PID1: variants seen among roughly 807,000 people sequenced by gnomAD.
PID1 encodes the protein phosphotyrosine interaction domain containing 1.
In PID1, 10 loss-of-function variants were observed where a neutral mutation model predicts 19.1. The observed-to-expected ratio is 0.52, with a 90% CI of 0.32 to 0.89. The LOEUF (loss-of-function observed/expected upper bound fraction) is 0.89, where lower values mean the gene tolerates loss of function less well. Ranked by LOEUF, PID1 falls within the 40% of genes least tolerant of loss-of-function variation. The pLI is 0.03. For missense variants in PID1, 248 were observed against 285.3 expected (o/e 0.87, Z 0.94); for synonymous variants, 130 against 116.0 (o/e 1.12, Z -0.78).
intron 1 of PID1, among the ~76,000 whole-genome samples, chr2:229,192,539 T>A (rs1282335998): frequency 6.6e-6 from 1 of 152,120 alleles, no homozygotes; most frequent in East Asian, 1.9e-4. Flanking sequence ...AAATCCTAAT[T>A]CACAAGCAAT....
At chr2:229,158,229 C>T (rs1343206258) in intron 1 of PID1, among the ~76,000 whole-genome samples, 1 of 152,102 alleles carries the variant, frequency 6.6e-6, no homozygotes, top group Non-Finnish European at 1.5e-5. Context: ...TTTAAAACAG[C>T]TTTATGTTTT....
intron 1 of PID1, among the ~76,000 whole-genome samples, chr2:229,181,116 G>T (rs1160190449): frequency 6.6e-6 from 1 of 152,182 alleles, no homozygotes; most frequent in African/African-American, 2.4e-5. Context: ...CACAGGTGTG[G>T]AGGGGCAACC....
chr2:229,198,055 C>A (rs1000472400), intron 1 of PID1, among the ~76,000 whole-genome samples: 1 of 151,986 alleles, frequency 6.6e-6, no homozygotes, highest in Non-Finnish European at 1.5e-5. Flanking sequence ...CCGCTGATAG[C>A]TTTCAGGCTT....
chr2:229,059,808 A>G (rs1370186356), intron 2 of PID1, among the ~76,000 whole-genome samples: 4 of 152,082 alleles, frequency 2.6e-5, no homozygotes, highest in African/African-American at 7.2e-5. Flanking sequence ...CTTTCACTCA[A>G]TATTTACAGA....
intron 2 of PID1, among the ~76,000 whole-genome samples, chr2:229,102,127 C>T (rs2106229043): frequency 6.6e-6 from 1 of 152,062 alleles, no homozygotes; most frequent in South Asian, 2.1e-4. Context: ...CAGATTCTCC[C>T]CTACGTCCTC....
intron 2 of PID1, among the ~76,000 whole-genome samples, chr2:229,034,044 T>A (rs1203266576): frequency 1.3e-5 from 2 of 152,178 alleles, no homozygotes; most frequent in Non-Finnish European, 2.9e-5. Flanking sequence ...GCATGCCAAT[T>A]TCCCAACAAT....
At chr2:229,125,487 G>A (rs565163015) in intron 2 of PID1, among the ~76,000 whole-genome samples, 10 of 151,088 alleles carry the variant, frequency 6.6e-5, no homozygotes, top group African/African-American at 2.2e-4. Context: ...AATTATTGAC[G>A]CAACTAACAA....
chr2:229,259,151 A>G (rs1474749549), intron 1 of PID1, among the ~76,000 whole-genome samples: 1 of 151,780 alleles, frequency 6.6e-6, no homozygotes, highest in African/African-American at 2.4e-5. Context: ...GACATTGAAC[A>G]TCTTTTCAGG....
intron 2 of PID1, among the ~76,000 whole-genome samples, chr2:229,038,928 G>A (rs551885261): frequency 9.9e-5 from 15 of 152,240 alleles, no homozygotes; most frequent in African/African-American, 3.6e-4. Context: ...CCTAGAATCG[G>A]TAAACAAACC....
chr2:229,195,691 T>C (rs1691364026), intron 1 of PID1, among the ~76,000 whole-genome samples: 1 of 151,956 alleles, frequency 6.6e-6, no homozygotes, highest in African/African-American at 2.4e-5. Context: ...CATATATACA[T>C]GGACAAGCAT....
chr2:229,198,077 A>G (rs1691415955), intron 1 of PID1, among the ~76,000 whole-genome samples: 1 of 152,072 alleles, frequency 6.6e-6, no homozygotes, highest in African/African-American at 2.4e-5. Flanking sequence ...AAGTAACAGG[A>G]GGCTGTAAAA....
At chr2:229,174,830 A>G (rs1186846032) in intron 1 of PID1, among the ~76,000 whole-genome samples, 1 of 152,152 alleles carries the variant, frequency 6.6e-6, no homozygotes, top group Non-Finnish European at 1.5e-5. Context: ...AAACCGTCCA[A>G]TTTGGCCTCT....
chr2:229,061,608 T>A (rs1293492013), intron 2 of PID1, among the ~76,000 whole-genome samples: 2 of 152,026 alleles, frequency 1.3e-5, no homozygotes, highest in African/African-American at 4.8e-5. Context: ...TGGTTCCATA[T>A]GAATTTTAGG....
At chr2:229,063,204 A>G (rs1694251834) in intron 2 of PID1, among the ~76,000 whole-genome samples, 2 of 151,978 alleles carry the variant, frequency 1.3e-5, no homozygotes, top group South Asian at 4.1e-4. Flanking sequence ...TCCCTGAAGT[A>G]TAATGTTAGA....
chr2:229,070,263 T>C (rs1274902434), intron 2 of PID1, among the ~76,000 whole-genome samples: 1 of 152,220 alleles, frequency 6.6e-6, no homozygotes, highest in Non-Finnish European at 1.5e-5. Flanking sequence ...CCATGCTGCC[T>C]GGGCTCAAAT....
At chr2:229,200,879 T>C (rs1305348696) in intron 1 of PID1, among the ~76,000 whole-genome samples, 1 of 152,068 alleles carries the variant, frequency 6.6e-6, no homozygotes, top group Non-Finnish European at 1.5e-5. Context: ...CCCTGCTGTG[T>C]GAAGGCATGT....
intron 2 of PID1, among the ~76,000 whole-genome samples, chr2:229,063,631 T>G (rs2106195060): frequency 6.6e-6 from 1 of 152,232 alleles, no homozygotes; most frequent in Middle Eastern, 3.4e-3. Context: ...TATATATCTG[T>G]TAGGTCCATT....
At chr2:229,103,844 T>C (rs1695121422) in intron 2 of PID1, among the ~76,000 whole-genome samples, 1 of 152,192 alleles carries the variant, frequency 6.6e-6, no homozygotes, top group Non-Finnish European at 1.5e-5. Context: ...CCCAAAGTGT[T>C]GGGATTACAG....
chr2:229,040,818 C>T (rs1218452070), intron 2 of PID1, among the ~76,000 whole-genome samples: 1 of 152,146 alleles, frequency 6.6e-6, no homozygotes, highest in Non-Finnish European at 1.5e-5. Context: ...GTGCCATAGA[C>T]TTACAATGCT....
Sources: allele counts gnomAD v4.1 joint callset (sites outside exome capture counted in the v4.1 genomes callset), GRCh38; gene constraint gnomAD v4.1.1; transcripts MANE v1.5; gene names NCBI Gene and HGNC (gene_info 2026-07-23, HGNC 2026-07-21).